The following C19orf47 variants were observed in gnomAD, a reference collection of about 807,000 sequenced individuals.
C19orf47 encodes the protein uncharacterized protein C19orf47.
Under a neutral mutation model 32.3 loss-of-function variants are expected in C19orf47, and 18 were observed. That is an observed-to-expected ratio of 0.56 (90% CI 0.39 to 0.83). The LOEUF (loss-of-function observed/expected upper bound fraction) is 0.83. Among genes scored for constraint, C19orf47 ranks in the 40% least tolerant of loss-of-function variants. C19orf47 has a pLI of 0.00. For synonymous variants in C19orf47, 202 were observed against 211.1 expected, an observed-to-expected ratio of 0.96 and a Z score of 0.37; for missense variants, 484 against 531.6, an observed-to-expected ratio of 0.91 and a Z score of 0.88.
chr19:40,305,680 G>T, the C19orf47 span, among the ~76,000 whole-genome samples: 1 of 152,052 alleles, frequency 6.6e-6, no homozygotes, highest in Non-Finnish European at 1.5e-5. Flanking sequence ...TCTCGGAAAA[G>T]ATAAATAAAT....
intron 1 of C19orf47, among the ~76,000 whole-genome samples, chr19:40,346,049 G>T (rs1171349383): frequency 2.0e-5 from 3 of 150,474 alleles, no homozygotes; most frequent in African/African-American, 7.4e-5. Flanking sequence ...CCAGCTACTC[G>T]GGAGGCTGAG....
intron 7 of C19orf47, among the ~76,000 whole-genome samples, chr19:40,325,201 C>T (rs1235601832): frequency 6.7e-6 from 1 of 149,820 alleles, no homozygotes. Context: ...ACTCAGGAAG[C>T]GGAAGTTGCA....
chr19:40,340,601 A>C (rs555681669), intron 2 of C19orf47, among the ~76,000 whole-genome samples: 37 of 151,742 alleles, frequency 2.4e-4, no homozygotes, highest in Non-Finnish European at 4.7e-4. Flanking sequence ...GAATGGCGTG[A>C]ACCCGGGAGG....
chr19:40,294,256 A>G, the C19orf47 span, among the ~76,000 whole-genome samples: 1 of 152,214 alleles, frequency 6.6e-6, no homozygotes, highest in Non-Finnish European at 1.5e-5. Flanking sequence ...CACTGGCCAC[A>G]GATAAGATTT....
chr19:40,346,030 C>T (rs1181993591), intron 1 of C19orf47, among the ~76,000 whole-genome samples: 8 of 151,328 alleles, frequency 5.3e-5, no homozygotes, highest in African/African-American at 1.7e-4. Flanking sequence ...GTGGCAGGCA[C>T]CTGTAATCCC....
rs1336452163 is a variant in C19orf47, at chr19:40,322,076, C to T, written c.964G>A (p.Ala322Thr). ...TCCTGGGCCTCGGGCACAAGGGCAG[C>T]TGCGCCCAGTCTCTTGATGATGCTG... Reference protein sequence around the residue: ...KVSIIKRLGAAALVPEAQDSQ... With the variant: ...KVSIIKRLGATALVPEAQDSQ... Residue 322 changes from alanine to threonine, a missense_variant, in exon 9 of 9, where the codon GCT (alanine) becomes ACT (threonine). Transcript: ENST00000683109. 6.2e-7 allele frequency: 1 copy of T among 1,614,216 alleles called. No individual in the cohort carries two copies. The highest frequency in any genetic ancestry group is 8.5e-7 in the Non-Finnish European group (1 of 1,180,040).
downstream of C19orf47, among the ~76,000 whole-genome samples, chr19:40,318,454 T>C (rs1272654622): frequency 2.0e-5 from 3 of 152,152 alleles, no homozygotes; most frequent in Non-Finnish European, 4.4e-5. Context: ...TTTTATATCA[T>C]TGCAGTTCCT....
chr19:40,325,306 T>C (rs2077807348), intron 7 of C19orf47, among the ~76,000 whole-genome samples: 2 of 152,000 alleles, frequency 1.3e-5, no homozygotes, highest in South Asian at 4.2e-4. Flanking sequence ...TACTTACATT[T>C]TAAACACAAA....
At chr19:40,301,313 T>TTTTTTTTATTTATTTATTTATTTA in the C19orf47 span, among the ~76,000 whole-genome samples, 2 of 140,192 alleles carry the variant, frequency 1.4e-5, no homozygotes, top group African/African-American at 5.5e-5. Context: ...CTTGAGAGGC[T>TTTTTTTTATTTATTTATTTATTTA]TTTATTTATT....
chr19:40,298,301 C>CAAA, the C19orf47 span, among the ~76,000 whole-genome samples: 1 of 71,042 alleles, frequency 1.4e-5, no homozygotes, highest in Non-Finnish European at 3.1e-5. Context: ...AACATTGTCT[C>CAAA]AAAAAAAAAA....
At chr19:40,304,141 C>T in the C19orf47 span, among the ~76,000 whole-genome samples, 1 of 152,054 alleles carries the variant, frequency 6.6e-6, no homozygotes, top group African/African-American at 2.4e-5. Flanking sequence ...AGGTCTCATA[C>T]TATTCAAACA....
At chr19:40,294,732 G>A in the C19orf47 span, among the ~76,000 whole-genome samples, 3 of 152,202 alleles carry the variant, frequency 2.0e-5, no homozygotes, top group Non-Finnish European at 2.9e-5. Context: ...CCAGCTGAGG[G>A]TGCAAGTGTC....
At chr19:40,306,939 G>A in the C19orf47 span, among the ~76,000 whole-genome samples, 5 of 151,508 alleles carry the variant, frequency 3.3e-5, no homozygotes, top group South Asian at 2.1e-4. Context: ...ACAGGCGCCC[G>A]CCACCTAGCC....
intron 1 of C19orf47, among the ~76,000 whole-genome samples, chr19:40,344,637 C>G (rs993413262): frequency 1.1e-4 from 17 of 152,274 alleles, no homozygotes; most frequent in African/African-American, 4.1e-4. Flanking sequence ...AACAGCTCAG[C>G]AAGTGAGGAC....
At chr19:40,298,093 G>C in the C19orf47 span, among the ~76,000 whole-genome samples, 1 of 151,650 alleles carries the variant, frequency 6.6e-6, no homozygotes, top group Admixed American at 6.6e-5. Flanking sequence ...AGCTGACTTT[G>C]TCTAATGTCT....
chr19:40,297,155 T>C, the C19orf47 span, among the ~76,000 whole-genome samples: 4 of 152,190 alleles, frequency 2.6e-5, no homozygotes, highest in African/African-American at 9.7e-5. Context: ...ATCAGCTCTG[T>C]CTTCTGACTT....
the C19orf47 span, among the ~76,000 whole-genome samples, chr19:40,297,149 GCT>G: frequency 2.6e-5 from 4 of 152,134 alleles, no homozygotes; most frequent in Non-Finnish European, 5.9e-5. Context: ...ATGAAAATCA[GCT>G]CTGTCTTCTG....
downstream of C19orf47, among the ~76,000 whole-genome samples, chr19:40,317,880 G>C (rs759128720): frequency 6.6e-6 from 1 of 151,856 alleles, no homozygotes; most frequent in African/African-American, 2.4e-5. Flanking sequence ...CCAACACACC[G>C]GCCAATTTTT....
the C19orf47 span, among the ~76,000 whole-genome samples, chr19:40,296,343 C>A: frequency 6.6e-6 from 1 of 152,016 alleles, no homozygotes; most frequent in African/African-American, 2.4e-5. Flanking sequence ...GTGAGTGGCA[C>A]CATCTTGGCT....
Sources: gnomAD v4.1 joint callset for allele counts (sites outside exome capture counted in the v4.1 genomes callset) on GRCh38, gnomAD v4.1.1 for gene constraint, MANE v1.5 for transcripts, NCBI Gene and HGNC (gene_info 2026-07-23, HGNC 2026-07-21) for gene names.